ARHGAP12: variants seen among roughly 807,000 people sequenced by gnomAD.
ARHGAP12 encodes Rho GTPase activating protein 12.
Under a neutral mutation model 108.6 loss-of-function variants are expected in ARHGAP12, and 64 were observed. That is an observed-to-expected ratio of 0.59 (90% CI 0.48 to 0.73). The LOEUF is 0.73. ARHGAP12 is among the 30% of genes least tolerant of loss of function. The pLI is 0.00. For synonymous variants in ARHGAP12, 312 were observed against 337.2 expected (o/e 0.93, Z 0.82); for missense variants, 940 against 1,005.9 (o/e 0.93, Z 0.89).
At chr10:31,878,102 G>A (rs1837802483) in intron 3 of ARHGAP12, among the ~76,000 whole-genome samples, 2 of 152,146 alleles carry the variant, frequency 1.3e-5, no homozygotes, top group Admixed American at 6.5e-5. Flanking sequence ...GACTAGAAAA[G>A]TGATGATTAA....
chr10:31,867,896 T>C (rs1837388451), intron 3 of ARHGAP12, among the ~76,000 whole-genome samples: 1 of 150,344 alleles, frequency 6.7e-6, no homozygotes. Context: ...GAATGATTTC[T>C]GATTTAAAAA....
intron 1 of ARHGAP12, among the ~76,000 whole-genome samples, chr10:31,916,644 T>C (rs979214758): frequency 1.3e-5 from 2 of 151,764 alleles, no homozygotes; most frequent in Non-Finnish European, 1.5e-5. Flanking sequence ...GGAGATGGAG[T>C]CTCCCTCTGT....
chr10:31,817,436 G>A lies in ARHGAP12; in HGVS notation c.1731+352C>T, dbSNP rs192793752. Reference sequence around the variant, plus strand: ...ACAGCTTCTTTCATTTCATAAGCTCGCCTCAGACTTCTTCCACCAAATAGT... The same window carrying A: ...ACAGCTTCTTTCATTTCATAAGCTCACCTCAGACTTCTTCCACCAAATAGT... On this transcript the variant is annotated intron_variant, in intron 13 of 19. Coordinates refer to ENST00000344936, the MANE Select transcript of ARHGAP12 (RefSeq NM_018287.7). Among the ~76,000 whole-genome samples the A allele has an allele frequency of 5.3e-5, 8 of 152,226 alleles. No individual in the cohort carries two copies. In the East Asian group the frequency reaches 5.8e-4, roughly 11 times the overall value.
Position 31,809,267 on chromosome 10 carries a change from G to C in ARHGAP12, c.2091C>G (p.Leu697=). The C allele has an allele frequency of 6.2e-7, 1 of 1,613,896 alleles. No individual in the cohort carries two copies. ...IDGIYRVSGN[L]AVIQKLRFAV... Reference sequence around the variant, plus strand: ...CAAACCTTAGTTTCTGGATCACTGCGAGGTTGCCACTTACTCTGTATATCC... The same window carrying C: ...CAAACCTTAGTTTCTGGATCACTGCCAGGTTGCCACTTACTCTGTATATCC... The change falls in exon 17 of 20, where the codon CTC becomes CTG. Residue 697 remains leucine, a synonymous_variant. Transcript: ENST00000344936.
chr10:31,928,463 C>A (rs1015509846), intron 1 of ARHGAP12, among the ~76,000 whole-genome samples: 1 of 150,360 alleles, frequency 6.7e-6, no homozygotes, highest in African/African-American at 2.5e-5. Context: ...GGCCCCCTCC[C>A]CCTCGGCGCC....
intron 15 of ARHGAP12, 169 bp downstream of exon 15, chr10:31,812,538 C>T: frequency 2.2e-6 from 1 of 452,984 alleles, no homozygotes; most frequent in Non-Finnish European, 3.8e-6. Context: ...TTAAAATAAA[C>T]TTTCAAAAAA....
intron 1 of ARHGAP12, among the ~76,000 whole-genome samples, chr10:31,927,641 C>A (rs1399324701): frequency 1.3e-5 from 2 of 152,210 alleles, no homozygotes; most frequent in East Asian, 3.8e-4. Flanking sequence ...AACAAACACT[C>A]CACTTGGGAT....
intron 3 of ARHGAP12, among the ~76,000 whole-genome samples, chr10:31,904,342 G>A (rs1359537733): frequency 6.6e-6 from 1 of 152,176 alleles, no homozygotes; most frequent in Non-Finnish European, 1.5e-5. Context: ...TACACTGAAT[G>A]AAAGGCCAAT....
At chr10:31,831,830 A>C in intron 9 of ARHGAP12, 30 bp from the exon 10 acceptor site, 1 of 1,407,474 alleles carries the variant, frequency 7.1e-7, no homozygotes, top group Non-Finnish European at 9.8e-7. Context: ...TGTTTATACA[A>C]TCACATAGAC....
At chr10:31,923,475 A>G (rs1269812812) in intron 1 of ARHGAP12, among the ~76,000 whole-genome samples, 1 of 152,232 alleles carries the variant, frequency 6.6e-6, no homozygotes, top group Non-Finnish European at 1.5e-5. Flanking sequence ...ACCAACAAAA[A>G]TTAAAGCATA....
chr10:31,916,034 T>C (rs1839542203), intron 1 of ARHGAP12, among the ~76,000 whole-genome samples: 1 of 152,196 alleles, frequency 6.6e-6, no homozygotes, highest in Non-Finnish European at 1.5e-5. Flanking sequence ...TGAACGCTGT[T>C]TATCCTGTTT....
chr10:31,821,383 T>C (rs556234699), intron 11 of ARHGAP12, among the ~76,000 whole-genome samples: 2 of 152,304 alleles, frequency 1.3e-5, no homozygotes, highest in South Asian at 2.1e-4. Context: ...TAAATTTGTT[T>C]AGTCTGTTAA....
At chr10:31,808,590 C>A in intron 19 of ARHGAP12, 59 bp downstream of exon 19, 2 of 1,494,404 alleles carry the variant, frequency 1.3e-6, no homozygotes, top group Non-Finnish European at 1.8e-6. Context: ...CCTGGCCCCA[C>A]AGGCCTTCCC....
chr10:31,809,113 A>C lies in ARHGAP12; in HGVS notation c.2144T>G (p.Leu715Trp), dbSNP rs1377653587. 2 of 1,613,496 alleles carry C rather than the reference A, an allele frequency of 1.2e-6. No individual in the cohort carries two copies. Among genetic ancestry groups the C allele is most frequent in the Non-Finnish European group, 8.5e-7 (1 of 1,179,750 alleles). ...AATATCTTCCCATTTACTGTCATTCAAGTCCAATTTCTCATCTGAAAAACA... is the reference window on the plus strand; with the variant it reads ...AATATCTTCCCATTTACTGTCATTCCAGTCCAATTTCTCATCTGAAAAACA... ...FAVNHDEKLD[L>W]NDSKWEDIHV... The change falls in exon 18 of 20, where the codon TTG becomes TGG. Residue 715 changes from leucine to tryptophan, a missense_variant. Physicochemically the swap from Leu to Trp is moderately conservative, Grantham distance 61 (BLOSUM62 -2). Transcript: ENST00000344936.
chr10:31,807,678 T>TC lies in ARHGAP12; in HGVS notation c.2520dup (p.Ser841GlufsTer39). The TC allele has an allele frequency of 6.2e-7, 1 of 1,602,376 alleles. No individual in the cohort carries two copies. The highest frequency in any genetic ancestry group is 1.3e-5 in the African/African-American group (1 of 74,308). On this transcript the variant is annotated frameshift_variant, in exon 20 of 20. Coordinates refer to ENST00000344936, the MANE Select transcript of ARHGAP12 (RefSeq NM_018287.7). LOFTEE classifies it high-confidence loss of function. The stretch of plus-strand genomic sequence containing the variant: ...AAGAATCAACGTCCGAAGATGGAAC[T>TC]CAGTTCCAGAAGAATTAATTCTACA...
chr10:31,923,381 A>G (rs1839900041), intron 1 of ARHGAP12, among the ~76,000 whole-genome samples: 1 of 152,206 alleles, frequency 6.6e-6, no homozygotes. Context: ...AAACTGAACC[A>G]GCATTTGAAA....
chr10:31,809,203 G>A, intron 17 of ARHGAP12, 27 bp downstream of exon 17: 1 of 1,613,276 alleles, frequency 6.2e-7, no homozygotes, highest in South Asian at 1.1e-5. Context: ...TGATGCATCT[G>A]AATAACAACA....
In ARHGAP12 at chr10:31,861,528, T is replaced by G. The variant is rs1837115640; in HGVS notation, c.815A>C (p.Glu272Ala). ...ACGCCCTGAGCTGTCTTTATGAGTT[T>G]CCCATTCTCCATTAATCTGAATTGC... ...SPAIQINGEW[E>A]THKDSSGRCY... Residue 272 changes from glutamate to alanine, a missense_variant, in exon 4 of 20, where the codon GAA becomes GCA. Transcript: ENST00000344936. 2 of 1,614,048 alleles carry G rather than the reference T, an allele frequency of 1.2e-6. No individual in the cohort carries two copies. Among genetic ancestry groups the G allele is most frequent in the African/African-American group, 2.7e-5 (2 of 74,922 alleles).
chr10:31,847,359 C>G (rs931749010), intron 6 of ARHGAP12, among the ~76,000 whole-genome samples: 4 of 152,012 alleles, frequency 2.6e-5, no homozygotes, highest in African/African-American at 9.7e-5. Context: ...GTTGTGAACC[C>G]CAGCCTGCTT....
Sources: gnomAD v4.1 joint callset for allele counts (sites outside exome capture counted in the v4.1 genomes callset) on GRCh38, gnomAD v4.1.1 for gene constraint, MANE v1.5 for transcripts, NCBI Gene and HGNC (gene_info 2026-07-23, HGNC 2026-07-21) for gene names.